MAN2A1: variants seen among roughly 807,000 people sequenced by gnomAD.
The protein encoded by MAN2A1 is mannosidase alpha class 2A member 1, also known as alpha-mannosidase 2.
In MAN2A1, 76 loss-of-function variants were observed where a neutral mutation model predicts 142.6. The observed-to-expected ratio is 0.53, with a 90% CI of 0.44 to 0.65. The LOEUF is 0.65. MAN2A1 is among the 30% of genes least tolerant of loss of function. The pLI is 0.00. For synonymous variants in MAN2A1, 559 were observed against 473.2 expected (o/e 1.18, Z -2.35); for missense variants, 1,311 against 1,365.1 (o/e 0.96, Z 0.62).
At chr5:109,854,838 T>C (rs35101096) in intron 19 of MAN2A1, 3,125 of 213,314 alleles carry the variant, frequency 0.015, 43 homozygotes, top group Non-Finnish European at 0.02. Context: ...AGGTTGAGAA[T>C]TTTCATAAAA....
At chr5:109,705,195 C>T (rs957423872) in intron 1 of MAN2A1, among the ~76,000 whole-genome samples, 1 of 152,090 alleles carries the variant, frequency 6.6e-6, no homozygotes, top group Non-Finnish European at 1.5e-5. Context: ...CATGTTCCTT[C>T]CCTTCCTGTC....
At chr5:109,864,849 A>C in intron 20 of MAN2A1, 187 bp from the exon 21 acceptor site, 1 of 591,620 alleles carries the variant, frequency 1.7e-6, no homozygotes, top group Non-Finnish European at 3.0e-6. Context: ...CTGGCTCAGT[A>C]CAAGTAGGAG....
intron 16 of MAN2A1, among the ~76,000 whole-genome samples, chr5:109,831,288 A>G (rs1356063039): frequency 6.6e-6 from 1 of 152,246 alleles, no homozygotes; most frequent in Non-Finnish European, 1.5e-5. Context: ...TGAGTGAGCC[A>G]GATGGGTTAG....
At chr5:109,818,372 G>A (rs144344216) in intron 13 of MAN2A1, among the ~76,000 whole-genome samples, 2 of 152,076 alleles carry the variant, frequency 1.3e-5, no homozygotes, top group African/African-American at 2.4e-5. Flanking sequence ...TCCTGACCCC[G>A]TGATCCACCT....
At chr5:109,819,939 A>G (rs113128185) in intron 14 of MAN2A1, 52 bp downstream of exon 14, 29,297 of 1,290,740 alleles carry the variant, frequency 0.023, 401 homozygotes, top group Non-Finnish European at 0.027. Context: ...TTTTTGCTAC[A>G]ATGTGTGTAG....
chr5:109,853,774 G>T (rs1755541322), intron 19 of MAN2A1: 1 of 152,104 alleles, frequency 6.6e-6, no homozygotes, highest in South Asian at 2.1e-4. Flanking sequence ...CTCTATTCAT[G>T]TTATTCTACG....
chr5:109,791,049 A>C (rs2013884), intron 12 of MAN2A1, among the ~76,000 whole-genome samples: 26,325 of 152,100 alleles, frequency 0.17, 3,249 homozygotes, highest in East Asian at 0.64. Context: ...CATATTGAGG[A>C]GTTTTAACTA....
At chr5:109,756,400 GTAAGTA>G (rs1561495664) in intron 5 of MAN2A1, among the ~76,000 whole-genome samples, 1 of 152,082 alleles carries the variant, frequency 6.6e-6, no homozygotes, top group Non-Finnish European at 1.5e-5. Context: ...AGTTTTTTAT[GTAAGTA>G]TATGTGTTTT....
At chr5:109,843,739 G>T (rs945727469) in intron 17 of MAN2A1, among the ~76,000 whole-genome samples, 1 of 152,088 alleles carries the variant, frequency 6.6e-6, no homozygotes, top group African/African-American at 2.4e-5. Context: ...ATCTTATCAG[G>T]TTGTCAATTC....
chr5:109,703,224 A>G (rs1751038523), intron 1 of MAN2A1, among the ~76,000 whole-genome samples: 1 of 152,214 alleles, frequency 6.6e-6, no homozygotes, highest in Non-Finnish European at 1.5e-5. Flanking sequence ...TTGTTTGTCA[A>G]AATTACTTGT....
At chr5:109,767,989 T>G (rs1753039110) in intron 6 of MAN2A1, among the ~76,000 whole-genome samples, 1 of 152,242 alleles carries the variant, frequency 6.6e-6, no homozygotes, top group African/African-American at 2.4e-5. Context: ...CACTTGCTTC[T>G]GTTTTAGAAA....
intron 4 of MAN2A1, among the ~76,000 whole-genome samples, chr5:109,754,613 A>G (rs745757769): frequency 7.2e-5 from 11 of 152,188 alleles, no homozygotes; most frequent in Admixed American, 1.3e-4. Flanking sequence ...ATTGAAATAA[A>G]TAATGTGCTT....
At chr5:109,724,151 G>A (rs939979329) in intron 3 of MAN2A1, among the ~76,000 whole-genome samples, 2 of 152,138 alleles carry the variant, frequency 1.3e-5, no homozygotes, top group Non-Finnish European at 2.9e-5. Flanking sequence ...ATAAGTATAT[G>A]ACTAGAAGTT....
At position 109,823,724 on chromosome 5, in the gene MAN2A1, C is replaced by T. The variant is rs748568539; in HGVS notation, c.2453C>T (p.Pro818Leu). The change falls in exon 16 of 22, where the codon CCT becomes CTT. Residue 818 changes from proline to leucine, a missense_variant and splice_region_variant. Physicochemically the swap from Pro to Leu is moderately conservative, Grantham distance 98. Transcript: ENST00000261483. ...TTAAATATATTATTTTCTTTTCAGC[C>T]TTATGTTTACACAACACCGCCCTTT... ...YLFLPDGNAK[P>L]YVYTTPPFVR... 1 of 1,512,918 alleles carries T rather than the reference C, an allele frequency of 6.6e-7. No individual in the cohort carries two copies. The allele number at this position is 1,512,918 out of a possible 1,614,324, so 93.7% of individuals were successfully genotyped here.
intron 1 of MAN2A1, among the ~76,000 whole-genome samples, chr5:109,700,497 G>GT (rs1561466499): frequency 6.6e-6 from 1 of 152,210 alleles, no homozygotes; most frequent in East Asian, 1.9e-4. Context: ...GGCCTTGGTG[G>GT]TAACATTTTA....
chr5:109,785,484 G>A (rs192041365), intron 10 of MAN2A1, among the ~76,000 whole-genome samples: 2 of 152,088 alleles, frequency 1.3e-5, no homozygotes, highest in African/African-American at 4.8e-5. Flanking sequence ...CTGGGTGTTG[G>A]TATCAAAGCC....
In MAN2A1 at chr5:109,841,295, C is replaced by G. The variant is rs1303162266; in HGVS notation, c.2567-1033C>G. On this transcript the variant is annotated intron_variant, in intron 16 of 21. Transcript: ENST00000261483. ...TTTGTAGTCTTTTATCCCTCGCCCCCCTCCAACCCTTCCTCCCAAGTCCCC... is the reference window on the plus strand; with the variant it reads ...TTTGTAGTCTTTTATCCCTCGCCCCGCTCCAACCCTTCCTCCCAAGTCCCC... Among the ~76,000 whole-genome samples the G allele has an allele frequency of 9.2e-5, 14 of 152,252 alleles. No individual in the cohort carries two copies. The South Asian group carries it at 2.7e-3, about 29-fold the overall frequency.
intron 4 of MAN2A1, among the ~76,000 whole-genome samples, chr5:109,740,067 G>A (rs918610434): frequency 6.6e-6 from 1 of 152,118 alleles, no homozygotes; most frequent in Non-Finnish European, 1.5e-5. Context: ...CCAGCCCTTT[G>A]TTAAGCCTGG....
chr5:109,847,951 T>C (rs1755384072), intron 19 of MAN2A1, among the ~76,000 whole-genome samples, 161 bp downstream of exon 19: 1 of 152,196 alleles, frequency 6.6e-6, no homozygotes. Flanking sequence ...ACTTCAGTTA[T>C]AAATATCGTG....
Sources: allele counts gnomAD v4.1 joint callset (sites outside exome capture counted in the v4.1 genomes callset), GRCh38; gene constraint gnomAD v4.1.1; transcripts MANE v1.5; gene names NCBI Gene and HGNC (gene_info 2026-07-23, HGNC 2026-07-21).